LCORL: variants seen among roughly 807,000 people sequenced by gnomAD.
LCORL encodes the protein ligand dependent nuclear receptor corepressor like, also known as ligand-dependent nuclear receptor corepressor-like protein.
Under a neutral mutation model 141.8 loss-of-function variants are expected in LCORL, and 41 were observed. The observed-to-expected ratio is 0.29, with a 90% CI of 0.23 to 0.38. The LOEUF is 0.38. Among genes scored for constraint, LCORL ranks in the 10% least tolerant of loss-of-function variants. LCORL has a pLI of 1.00. For synonymous variants in LCORL, 618 were observed against 694.1 expected (o/e 0.89, Z 1.72); for missense variants, 1,759 against 2,035.0 (o/e 0.86, Z 2.61).
At chr4:17,916,080 GAA>G (rs1256559313) in intron 4 of LCORL, among the ~76,000 whole-genome samples, 1 of 152,146 alleles carries the variant, frequency 6.6e-6, no homozygotes, top group Non-Finnish European at 1.5e-5. Flanking sequence ...GCCTCTCAAA[GAA>G]AGTATCAAAG....
exon 7 of LCORL, chr4:17,877,596 T>C: frequency 8.1e-7 from 1 of 1,230,694 alleles, no homozygotes; most frequent in Non-Finnish European, 1.0e-6. Flanking sequence ...TTTGTTATTT[T>C]CTAAGGCTGA....
chr4:18,003,362 A>C (rs1375439877), intron 1 of LCORL, among the ~76,000 whole-genome samples: 1 of 152,226 alleles, frequency 6.6e-6, no homozygotes, highest in Admixed American at 6.5e-5. Context: ...ATTTGAAAAC[A>C]TAATTGGTGG....
intron 6 of LCORL, chr4:17,880,874 G>C (rs903509852): frequency 1.2e-6 from 1 of 867,712 alleles, no homozygotes; most frequent in African/African-American, 1.8e-5. Context: ...TAGTGCAATT[G>C]ATTTATGCAT....
chr4:17,965,229 A>AATCACTCT (rs1348578936), intron 2 of LCORL, among the ~76,000 whole-genome samples: 1 of 152,142 alleles, frequency 6.6e-6, no homozygotes, highest in African/African-American at 2.4e-5. Flanking sequence ...ACAAATATTT[A>AATCACTCT]ATCACTCTTT....
chr4:17,866,422 G>T (rs1277475013), intron 7 of LCORL, among the ~76,000 whole-genome samples: 1 of 152,180 alleles, frequency 6.6e-6, no homozygotes, highest in Non-Finnish European at 1.5e-5. Flanking sequence ...ATCTGGTTTT[G>T]CCCCCACTAT....
At chr4:17,976,435 T>C (rs1168446686) in intron 1 of LCORL, among the ~76,000 whole-genome samples, 2 of 152,318 alleles carry the variant, frequency 1.3e-5, no homozygotes, top group East Asian at 3.9e-4. Flanking sequence ...CTAGTTTTTT[T>C]AGGGCTTGTC....
At chr4:17,899,360 A>G (rs964380037) in intron 5 of LCORL, among the ~76,000 whole-genome samples, 1 of 152,166 alleles carries the variant, frequency 6.6e-6, no homozygotes, top group Non-Finnish European at 1.5e-5. Flanking sequence ...AACAGGGGGC[A>G]AGCCAAAAAA....
At chr4:17,943,207 G>T (rs1187598342) in intron 4 of LCORL, among the ~76,000 whole-genome samples, 1 of 151,988 alleles carries the variant, frequency 6.6e-6, no homozygotes, top group Admixed American at 6.6e-5. Flanking sequence ...TATCTCCACC[G>T]TATCCTACTG....
chr4:17,880,262 C>G (rs917780354), intron 6 of LCORL: 1 of 191,562 alleles, frequency 5.2e-6, no homozygotes, highest in Non-Finnish European at 9.6e-6. Flanking sequence ...TTCAAACATT[C>G]TCCCCCATAT....
chr4:17,889,791 G>A (rs147005207), intron 5 of LCORL, among the ~76,000 whole-genome samples: 20 of 152,036 alleles, frequency 1.3e-4, no homozygotes, highest in African/African-American at 4.3e-4. Flanking sequence ...TTATCTGAAT[G>A]GTGATTACAT....
intron 1 of LCORL, among the ~76,000 whole-genome samples, chr4:18,005,812 C>G (rs2085683): frequency 0.24 from 36,113 of 152,066 alleles, 5,478 homozygotes; most frequent in African/African-American, 0.43. Context: ...AGAGACCATG[C>G]ATCCGGCCCA....
At chr4:18,014,949 C>T (rs1042888224) in intron 1 of LCORL, among the ~76,000 whole-genome samples, 3 of 152,216 alleles carry the variant, frequency 2.0e-5, no homozygotes, top group East Asian at 3.9e-4. Context: ...CCTTGGTGCT[C>T]TGTTATCTAT....
chr4:17,975,359 T>C (rs772408851), intron 1 of LCORL, among the ~76,000 whole-genome samples: 7 of 152,082 alleles, frequency 4.6e-5, no homozygotes, highest in Non-Finnish European at 7.4e-5. Context: ...ATTTCAAATA[T>C]TTAGGTATTA....
intron 1 of LCORL, among the ~76,000 whole-genome samples, chr4:17,989,427 T>G (rs1719586062): frequency 6.6e-6 from 1 of 152,148 alleles, no homozygotes; most frequent in Non-Finnish European, 1.5e-5. Context: ...AGATGGACAG[T>G]GTCAAGGGCA....
At chr4:18,001,480 G>C (rs1470038537) in intron 1 of LCORL, among the ~76,000 whole-genome samples, 2 of 152,032 alleles carry the variant, frequency 1.3e-5, no homozygotes, top group Non-Finnish European at 1.5e-5. Context: ...GGTCAATGGA[G>C]GAACCAATGA....
chr4:17,899,553 TAAAAG>T (rs1730559091), intron 5 of LCORL, among the ~76,000 whole-genome samples: 1 of 152,110 alleles, frequency 6.6e-6, no homozygotes, highest in South Asian at 2.1e-4. Context: ...AGTAAGTCAT[TAAAAG>T]AAATGTAAAT....
chr4:17,876,187 T>C, exon 7 of LCORL: 1 of 1,231,044 alleles, frequency 8.1e-7, no homozygotes, highest in Non-Finnish European at 1.0e-6. Flanking sequence ...ACACTGGAAA[T>C]CAAGCGACCC....
chr4:18,013,161 C>T (rs1724071214), intron 1 of LCORL, among the ~76,000 whole-genome samples: 4 of 146,090 alleles, frequency 2.7e-5, no homozygotes, highest in African/African-American at 1.1e-4. Flanking sequence ...TAATATTTTT[C>T]TCTCTCCTCT....
At chr4:17,927,042 T>C (rs543491082) in intron 4 of LCORL, among the ~76,000 whole-genome samples, 6 of 152,366 alleles carry the variant, frequency 3.9e-5, no homozygotes, top group East Asian at 1.9e-4. Context: ...CATGTATTAA[T>C]ACATTGAAAA....
Sources: allele counts gnomAD v4.1 joint callset (sites outside exome capture counted in the v4.1 genomes callset), GRCh38; gene constraint gnomAD v4.1.1; transcripts MANE v1.5; gene names NCBI Gene and HGNC (gene_info 2026-07-23, HGNC 2026-07-21).